The following KHDRBS2 variants were observed in gnomAD, a reference collection of about 807,000 sequenced individuals.
KHDRBS2 encodes the protein KH RNA binding domain containing, signal transduction associated 2, also known as KH domain-containing, RNA-binding, signal transduction-associated protein 2.
In KHDRBS2, 26 loss-of-function variants were observed where a neutral mutation model predicts 44.3. The ratio of observed to expected loss-of-function variants is 0.59; its 90% confidence interval spans 0.43 to 0.81. KHDRBS2 has a LOEUF of 0.81. Ranked by LOEUF, KHDRBS2 falls within the 40% of genes least tolerant of loss-of-function variation. The probability of loss-of-function intolerance (pLI) is 0.00; values close to 1 mark genes in which losing one functional copy is unlikely to be tolerated. For missense variants in KHDRBS2, 476 were observed against 433.1 expected (o/e 1.10, Z -0.88); for synonymous variants, 194 against 151.1 (o/e 1.28, Z -2.08).
At chr6:61,711,516 G>C (rs988737567) in intron 7 of KHDRBS2, among the ~76,000 whole-genome samples, 2 of 151,940 alleles carry the variant, frequency 1.3e-5, no homozygotes, top group African/African-American at 4.8e-5. Flanking sequence ...GAACTGGTTT[G>C]ACAATAGTTA....
intron 1 of KHDRBS2, among the ~76,000 whole-genome samples, chr6:62,278,843 C>T (rs1195605200): frequency 6.6e-6 from 1 of 152,084 alleles, no homozygotes; most frequent in Non-Finnish European, 1.5e-5. Flanking sequence ...GTCTGTAATC[C>T]CAGCACTTTG....
chr6:62,143,719 T>TA (rs1813343989), intron 2 of KHDRBS2, among the ~76,000 whole-genome samples: 1 of 151,796 alleles, frequency 6.6e-6, no homozygotes, highest in Non-Finnish European at 1.5e-5. Context: ...TTCAGAATGT[T>TA]AGACTTAGAA....
chr6:62,109,686 A>C (rs1276207127), intron 2 of KHDRBS2, among the ~76,000 whole-genome samples: 2 of 151,930 alleles, frequency 1.3e-5, no homozygotes, highest in South Asian at 2.1e-4. Context: ...TAAAAATGTT[A>C]AGAATAGTCT....
chr6:61,719,129 A>G (rs1416464923), intron 7 of KHDRBS2, among the ~76,000 whole-genome samples: 1 of 152,174 alleles, frequency 6.6e-6, no homozygotes, highest in African/African-American at 2.4e-5. Context: ...TTATTTAAGA[A>G]AAGCAAAGAC....
chr6:61,564,515 G>A, the KHDRBS2 span, among the ~76,000 whole-genome samples: 1 of 152,004 alleles, frequency 6.6e-6, no homozygotes, highest in African/African-American at 2.4e-5. Flanking sequence ...GTTCTCTGGT[G>A]AGTACCTCCC....
chr6:62,067,271 C>G (rs1037085495), intron 2 of KHDRBS2, among the ~76,000 whole-genome samples: 1 of 151,570 alleles, frequency 6.6e-6, no homozygotes, highest in South Asian at 2.1e-4. Context: ...TTTCTTAATA[C>G]CCACTTAGCG....
the KHDRBS2 span, among the ~76,000 whole-genome samples, chr6:61,569,078 G>C: frequency 8.9e-6 from 1 of 112,916 alleles, no homozygotes; most frequent in Non-Finnish European, 1.9e-5. Flanking sequence ...CTGTGGGAGT[G>C]AGACTAGCCT....
chr6:61,579,234 C>T, the KHDRBS2 span, among the ~76,000 whole-genome samples: 93,601 of 151,984 alleles, frequency 0.62, 29,043 homozygotes, highest in Non-Finnish European at 0.65. Context: ...ACTCTGACCT[C>T]GGCTAAACTT....
chr6:61,950,139 G>C (rs148697379), intron 4 of KHDRBS2, among the ~76,000 whole-genome samples: 1 of 152,116 alleles, frequency 6.6e-6, no homozygotes, highest in East Asian at 1.9e-4. Flanking sequence ...CAAGTTTATT[G>C]GGTGACAGCT....
intron 1 of KHDRBS2, 56 bp downstream of exon 1, chr6:62,285,802 C>T: frequency 7.8e-7 from 1 of 1,280,000 alleles, no homozygotes; most frequent in Non-Finnish European, 1.1e-6. Context: ...CCTAATCAAG[C>T]CGCGGGTGAG....
chr6:61,991,341 A>T (rs1161549253), intron 3 of KHDRBS2, among the ~76,000 whole-genome samples: 1 of 152,208 alleles, frequency 6.6e-6, no homozygotes, highest in Non-Finnish European at 1.5e-5. Context: ...AAATCACTTT[A>T]TGTAGCACGC....
At chr6:62,100,059 A>T (rs1277315940) in intron 2 of KHDRBS2, among the ~76,000 whole-genome samples, 1 of 129,286 alleles carries the variant, frequency 7.7e-6, no homozygotes, top group Non-Finnish European at 1.7e-5. Context: ...CATCAAGAAC[A>T]TTTATGATTT....
intron 1 of KHDRBS2, among the ~76,000 whole-genome samples, chr6:62,189,245 C>A (rs528275942): frequency 1.3e-5 from 2 of 152,212 alleles, no homozygotes; most frequent in South Asian, 2.1e-4. Flanking sequence ...GGAACTGAAG[C>A]CTTTTGCTAA....
chr6:61,632,694 G>T, the KHDRBS2 span, among the ~76,000 whole-genome samples: 1 of 151,974 alleles, frequency 6.6e-6, no homozygotes, highest in Non-Finnish European at 1.5e-5. Context: ...AATTTTCATT[G>T]CTCTGTTGGT....
chr6:61,891,649 C>G (rs1371451443), intron 6 of KHDRBS2, among the ~76,000 whole-genome samples: 1 of 152,102 alleles, frequency 6.6e-6, no homozygotes, highest in Non-Finnish European at 1.5e-5. Flanking sequence ...ACGACAAAAA[C>G]CACATGATTA....
chr6:61,982,610 C>G (rs1336031839), intron 3 of KHDRBS2, among the ~76,000 whole-genome samples: 1 of 151,170 alleles, frequency 6.6e-6, no homozygotes, highest in Non-Finnish European at 1.5e-5. Context: ...GGTGGAGCTT[C>G]CAGTGAGCCG....
chr6:61,804,914 C>G (rs898233150), intron 6 of KHDRBS2, among the ~76,000 whole-genome samples: 5 of 152,170 alleles, frequency 3.3e-5, no homozygotes, highest in African/African-American at 1.2e-4. Context: ...GACATTTTCC[C>G]TATTGTCTTG....
At chr6:61,903,234 T>G (rs1401760897) in intron 4 of KHDRBS2, among the ~76,000 whole-genome samples, 1 of 152,168 alleles carries the variant, frequency 6.6e-6, no homozygotes, top group Non-Finnish European at 1.5e-5. Context: ...ATCCCATAAT[T>G]TTGCAATGTA....
rs191169762 is a variant in KHDRBS2, at chr6:62,146,192, A to T, written c.219+30993T>A. On this transcript the variant is annotated intron_variant, in intron 2 of 8. Coordinates refer to ENST00000281156, the MANE Select transcript of KHDRBS2 (RefSeq NM_152688.4). ...TACTGAAAGGGCAAAACTGGCTACT[A>T]CCCTCAGAGTATCATTGATTATTGT... Among the ~76,000 whole-genome samples, 251 of 151,912 alleles carry T rather than the reference A, an allele frequency of 1.7e-3. 1 individual carries two copies. Among genetic ancestry groups the T allele is most frequent in the Middle Eastern group, 6.8e-3 (2 of 294 alleles).
Sources: allele counts gnomAD v4.1 joint callset (sites outside exome capture counted in the v4.1 genomes callset), GRCh38; gene constraint gnomAD v4.1.1; transcripts MANE v1.5; gene names NCBI Gene and HGNC (gene_info 2026-07-23, HGNC 2026-07-21).